The following KHDRBS2 variants were observed in gnomAD, a reference collection of about 807,000 sequenced individuals.
KHDRBS2 encodes KH domain-containing, RNA-binding, signal transduction-associated protein 2.
A neutral mutation model predicts 44.3 loss-of-function variants in KHDRBS2; 26 were observed. That is an observed-to-expected ratio of 0.59 (90% confidence interval 0.43 to 0.81). The LOEUF is 0.81. Among genes scored for constraint, KHDRBS2 ranks in the 40% least tolerant of loss-of-function variants. The probability of loss-of-function intolerance (pLI) is 0.00; values close to 1 mark genes in which losing one functional copy is unlikely to be tolerated. For missense variants in KHDRBS2, 476 were observed against 433.1 expected, an observed-to-expected ratio of 1.10 and a Z score of -0.88; for synonymous variants, 194 against 151.1, an observed-to-expected ratio of 1.28 and a Z score of -2.08.
At chr6:62,242,132 C>A (rs1298606519) in intron 1 of KHDRBS2, among the ~76,000 whole-genome samples, 3 of 152,062 alleles carry the variant, frequency 2.0e-5, no homozygotes, top group Non-Finnish European at 4.4e-5. Flanking sequence ...CTGGAACTGG[C>A]AATCCAAGAG....
At chr6:62,180,543 G>A (rs914709267) in intron 1 of KHDRBS2, among the ~76,000 whole-genome samples, 1 of 151,674 alleles carries the variant, frequency 6.6e-6, no homozygotes. Context: ...TAAATCAAAG[G>A]AGACAAAAAT....
At chr6:61,757,096 C>T (rs1427881387) in intron 6 of KHDRBS2, among the ~76,000 whole-genome samples, 3 of 152,048 alleles carry the variant, frequency 2.0e-5, no homozygotes, top group Admixed American at 6.6e-5. Flanking sequence ...GTTTGTTTAT[C>T]CTTTAATCTG....
chr6:61,559,669 T>C, the KHDRBS2 span, among the ~76,000 whole-genome samples: 1 of 152,166 alleles, frequency 6.6e-6, no homozygotes, highest in Admixed American at 6.5e-5. Context: ...ACTGATTGCA[T>C]AAACAAAGAA....
At chr6:61,892,689 C>T (rs1026762109) in intron 6 of KHDRBS2, among the ~76,000 whole-genome samples, 16 of 152,104 alleles carry the variant, frequency 1.1e-4, no homozygotes, top group South Asian at 2.1e-4. Context: ...TGGGAAAACT[C>T]GCTAGCCATA....
chr6:62,245,685 T>C (rs1326506874), intron 1 of KHDRBS2, among the ~76,000 whole-genome samples: 1 of 152,126 alleles, frequency 6.6e-6, no homozygotes, highest in Admixed American at 6.6e-5. Context: ...AGACACATCA[T>C]ATATGAACTT....
intron 1 of KHDRBS2, among the ~76,000 whole-genome samples, chr6:62,237,510 G>A (rs1272257234): frequency 6.6e-6 from 1 of 152,118 alleles, no homozygotes; most frequent in African/African-American, 2.4e-5. Context: ...TTTGCATAAT[G>A]CTATCAAAAA....
At chr6:61,763,543 A>C (rs1168551287) in intron 6 of KHDRBS2, among the ~76,000 whole-genome samples, 30 of 152,210 alleles carry the variant, frequency 2.0e-4, no homozygotes. Context: ...GGAGAGCATT[A>C]GGAATCAAAT....
the KHDRBS2 span, among the ~76,000 whole-genome samples, chr6:61,631,084 A>G: frequency 6.6e-6 from 1 of 152,014 alleles, no homozygotes; most frequent in Non-Finnish European, 1.5e-5. Context: ...GAAAGATAAG[A>G]GGGAAAGGCA....
chr6:61,996,872 G>A (rs564280742), intron 3 of KHDRBS2, among the ~76,000 whole-genome samples: 68 of 139,948 alleles, frequency 4.9e-4, no homozygotes, highest in African/African-American at 1.5e-3. Flanking sequence ...CAACCTCTGC[G>A]CCCGAGTTTA....
intron 3 of KHDRBS2, among the ~76,000 whole-genome samples, chr6:62,009,717 T>A (rs1250561989): frequency 6.6e-6 from 1 of 152,152 alleles, no homozygotes; most frequent in Non-Finnish European, 1.5e-5. Flanking sequence ...AAAGTAGAGC[T>A]CAGGTCATGG....
At chr6:61,993,669 ATATATTTT>A (rs972412499) in intron 3 of KHDRBS2, among the ~76,000 whole-genome samples, 18 of 122,260 alleles carry the variant, frequency 1.5e-4, no homozygotes, top group African/African-American at 5.3e-4. Flanking sequence ...ATATATATAT[ATATATTTT>A]TTTTTTTTGA....
At chr6:62,266,368 C>CA (rs1839200632) in intron 1 of KHDRBS2, among the ~76,000 whole-genome samples, 1 of 151,984 alleles carries the variant, frequency 6.6e-6, no homozygotes, top group Non-Finnish European at 1.5e-5. Context: ...ACAAGCATGA[C>CA]ATATCAGCGA....
intron 6 of KHDRBS2, among the ~76,000 whole-genome samples, chr6:61,881,349 T>G (rs1800182600): frequency 6.7e-6 from 1 of 149,964 alleles, no homozygotes; most frequent in Admixed American, 6.6e-5. Context: ...TCTCCAACAT[T>G]AAATTAAAAT....
rs547345469 is a variant in KHDRBS2 at position 61,916,662 on chromosome 6, A to G, written c.484-15291T>C. Among the ~76,000 whole-genome samples the G allele has an allele frequency of 1.6e-3, 241 of 152,096 alleles. 1 individual carries two copies. Among genetic ancestry groups the G allele is most frequent in the Non-Finnish European group, 3.0e-3 (203 of 67,932 alleles). Reference sequence around the variant, plus strand: ...GATCAAGGACTGTCATCCCAAATATACAAAAAACTCATTACAAATCAACAA... The same window carrying G: ...GATCAAGGACTGTCATCCCAAATATGCAAAAAACTCATTACAAATCAACAA... On this transcript the variant is annotated intron_variant, in intron 4 of 8. Coordinates refer to ENST00000281156, the MANE Select transcript of KHDRBS2 (RefSeq NM_152688.4).
chr6:62,112,601 T>C (rs1805268332), intron 2 of KHDRBS2, among the ~76,000 whole-genome samples: 2 of 152,098 alleles, frequency 1.3e-5, no homozygotes, highest in African/African-American at 4.8e-5. Flanking sequence ...GTCAACTACA[T>C]AATATGAGAA....
chr6:61,889,312 C>A (rs79621335), intron 6 of KHDRBS2, among the ~76,000 whole-genome samples: 1 of 152,078 alleles, frequency 6.6e-6, no homozygotes, highest in Admixed American at 6.5e-5. Flanking sequence ...GAATTCAGAC[C>A]TTGAGGTGCT....
At chr6:61,712,020 C>T (rs1359415365) in intron 7 of KHDRBS2, among the ~76,000 whole-genome samples, 2 of 151,756 alleles carry the variant, frequency 1.3e-5, no homozygotes, top group African/African-American at 4.8e-5. Context: ...CTGGGCTTGG[C>T]ACTCCCTGAG....
chr6:62,186,073 G>C (rs1823354917), intron 1 of KHDRBS2, among the ~76,000 whole-genome samples: 1 of 151,892 alleles, frequency 6.6e-6, no homozygotes, highest in Non-Finnish European at 1.5e-5. Flanking sequence ...CAGGCTTCTG[G>C]ATACAGTATT....
At chr6:62,093,856 TTGTGTG>T (rs61194705) in intron 2 of KHDRBS2, among the ~76,000 whole-genome samples, 22,732 of 143,200 alleles carry the variant, frequency 0.16, 1,945 homozygotes, top group African/African-American at 0.24. Flanking sequence ...TTCCATTGTT[TTGTGTG>T]TGTGTGTGTG....
Sources: gnomAD v4.1 joint callset for allele counts (sites outside exome capture counted in the v4.1 genomes callset) on GRCh38, gnomAD v4.1.1 for gene constraint, MANE v1.5 for transcripts, NCBI Gene and HGNC (gene_info 2026-07-23, HGNC 2026-07-21) for gene names.